The following ANHX variants were observed in gnomAD, a reference collection of about 807,000 sequenced individuals.
ANHX encodes anomalous homeobox protein.
Under a neutral mutation model 38.9 loss-of-function variants are expected in ANHX, and 20 were observed. The observed-to-expected ratio is 0.51, with a 90% CI of 0.36 to 0.75. The LOEUF (loss-of-function observed/expected upper bound fraction) is 0.75. Among genes scored for constraint, ANHX ranks in the 30% least tolerant of loss-of-function variants. ANHX has a pLI of 0.00. For synonymous variants in ANHX, 185 were observed against 203.1 expected (o/e 0.91, Z 0.76); for missense variants, 475 against 493.1 (o/e 0.96, Z 0.35).
chr12:133,234,550 A>T, intron 1 of ANHX, 172 bp from the exon 2 acceptor site: 1 of 701,808 alleles, frequency 1.4e-6, no homozygotes, highest in East Asian at 2.8e-5. Flanking sequence ...CATAGCATAC[A>T]CCCTCTAGAA....
At chr12:133,227,698 A>T (rs1957208028) in intron 4 of ANHX, 126 bp downstream of exon 4, 1 of 1,074,902 alleles carries the variant, frequency 9.3e-7, no homozygotes, top group South Asian at 1.6e-5. Flanking sequence ...TGTCCAGAGG[A>T]GGGGCTGAAA....
In ANHX at chr12:133,226,351, G is replaced by A. The variant is rs1388959623; in HGVS notation, c.806C>T (p.Ala269Val). The change falls in exon 6 of 10, where the codon GCA (alanine) becomes GTA (valine). Residue 269 changes from alanine to valine, a missense_variant. Coordinates refer to ENST00000545940, the MANE Select transcript of ANHX (RefSeq NM_001372060.1). ...EPLALAPDFPADETVSKPLDV... is the reference protein window; with the variant it reads ...EPLALAPDFPVDETVSKPLDV... ...CAGTGGCTTTGAGACTGTCTCATCT[G>A]CGGGAAAGTCCGGGGCTAAGGCCAG... 6.5e-7 allele frequency: 1 copy of A among 1,536,136 alleles called. No homozygotes were observed. Among genetic ancestry groups the A allele is most frequent in the East Asian group, 2.4e-5 (1 of 40,922 alleles).
chr12:133,224,723 T>C (rs1256026041), intron 7 of ANHX, among the ~76,000 whole-genome samples: 1 of 148,612 alleles, frequency 6.7e-6, no homozygotes, highest in Non-Finnish European at 1.5e-5. Flanking sequence ...CCCAGCACTT[T>C]GGGAGGCCGA....
At chr12:133,230,171 G>A (rs1215200632) in intron 3 of ANHX, among the ~76,000 whole-genome samples, 3 of 152,214 alleles carry the variant, frequency 2.0e-5, no homozygotes, top group Non-Finnish European at 4.4e-5. Flanking sequence ...GTTCCATGGA[G>A]GCAGAGCCTG....
At chr12:133,227,696 G>A in intron 4 of ANHX, 128 bp downstream of exon 4, 2 of 1,069,048 alleles carry the variant, frequency 1.9e-6, no homozygotes, top group Non-Finnish European at 2.6e-6. Flanking sequence ...CCTGTCCAGA[G>A]GAGGGGCTGA....
rs751134031 is a variant in ANHX, at chr12:133,221,389, G to A, written c.1133-37C>T. On this transcript the variant is annotated intron_variant, in intron 7 of 9. Transcript: ENST00000545940. The surrounding 1 kb of genome is among the most constrained non-coding windows in gnomAD (Gnocchi z 4.1). The stretch of plus-strand genomic sequence containing the variant: ...GAGATTCCACGGCACACTGGCAGGA[G>A]AAAGGAGCAGAGCCCACGTGTGACA... The A allele has an allele frequency of 1.1e-4, 161 of 1,518,434 alleles. No homozygotes were observed. Among genetic ancestry groups the A allele is most frequent in the Non-Finnish European group, 2.1e-5 (24 of 1,137,640 alleles). 94.1% of individuals were successfully genotyped at this position (1,518,434 alleles called of 1,614,324 possible). A position where few individuals can be genotyped will look rare whatever the true frequency, so the allele number is the denominator to read the frequency against.
intron 7 of ANHX, among the ~76,000 whole-genome samples, chr12:133,223,756 A>C (rs1957146519): frequency 6.6e-6 from 1 of 152,058 alleles, no homozygotes; most frequent in Admixed American, 6.6e-5. Context: ...AGGAGACCTT[A>C]TTCTTTAAGA....
rs972706439 is a variant in ANHX, at chr12:133,221,895, G to A, written c.1133-543C>T. Among the ~76,000 whole-genome samples, 3 of 152,206 alleles carry A rather than the reference G, an allele frequency of 2.0e-5. No individual in the cohort carries two copies. The highest frequency in any genetic ancestry group is 6.5e-5 in the Admixed American group (1 of 15,284). On this transcript the variant is annotated intron_variant, in intron 7 of 9. Transcript: ENST00000545940. The surrounding 1 kb of genome is among the most constrained non-coding windows in gnomAD (Gnocchi z 4.1). Reference sequence around the variant, plus strand: ...GCTACTGTGGTTTTGGTCAATTCTGGGTGGACATTTAGGAGAGCTGTGGCC... The same window carrying A: ...GCTACTGTGGTTTTGGTCAATTCTGAGTGGACATTTAGGAGAGCTGTGGCC...
chr12:133,227,245 A>G (rs1957202512), intron 4 of ANHX, 93 bp from the exon 5 acceptor site: 2 of 1,357,288 alleles, frequency 1.5e-6, no homozygotes, highest in Admixed American at 2.4e-5. Context: ...TTACACCAAG[A>G]AAGGGGGTGA....
chr12:133,233,357 G>GT (rs1593976447), intron 2 of ANHX, among the ~76,000 whole-genome samples: 1 of 152,236 alleles, frequency 6.6e-6, no homozygotes, highest in Non-Finnish European at 1.5e-5. Context: ...AAGGAACCGA[G>GT]TATCTTGAAG....
At chr12:133,226,562 T>C (rs994232775) in intron 5 of ANHX, 124 bp from the exon 6 acceptor site, 2 of 1,358,704 alleles carry the variant, frequency 1.5e-6, no homozygotes, top group Non-Finnish European at 1.9e-6. Context: ...CCAATGTTTT[T>C]GCTTCTTGTC....
In ANHX at chr12:133,218,541, C is replaced by T. The variant is rs545736556; in HGVS notation, c.*344G>A. 4.9e-4 allele frequency: 91 copies of T among 184,518 alleles called. 1 individual carries two copies. The highest frequency in any genetic ancestry group is 1.8e-3 in the African/African-American group (78 of 42,718). 11.4% of individuals were successfully genotyped at this position (184,518 alleles called of 1,614,324 possible). ...AAGTCTGGCTGTGTGCACGGGCAGA[C>T]GGCAAGGCAGCCAGCAGCAGAACAC... On this transcript the variant is annotated 3_prime_UTR_variant, in exon 10 of 10. Coordinates refer to ENST00000545940, the MANE Select transcript of ANHX (RefSeq NM_001372060.1).
rs144691393 is a variant in ANHX at position 133,231,223 on chromosome 12, G to A, written c.377+294C>T. ...GATGCTGGGCAGAGATGATGAGGAT[G>A]CCCACCTCCTGGCCTTAGCCTCAGT... is the stretch of plus-strand genomic sequence containing the variant. On this transcript the variant is annotated intron_variant, in intron 3 of 9. Transcript: ENST00000545940. Among the ~76,000 whole-genome samples the A allele has an allele frequency of 3.2e-3, 482 of 152,292 alleles. 3 individuals are homozygous for A. Among genetic ancestry groups the A allele is most frequent in the African/African-American group, 0.011 (457 of 41,548 alleles).
At chr12:133,219,140 C>T (rs1463467835) in intron 9 of ANHX, 143 bp downstream of exon 9, 8 of 1,005,796 alleles carry the variant, frequency 8.0e-6, no homozygotes, top group Non-Finnish European at 1.2e-5. Context: ...CCAGTAATGT[C>T]CAGCCACAAA....
At chr12:133,219,432 C>T in intron 8 of ANHX, 65 bp from the exon 9 acceptor site, 2 of 1,139,300 alleles carry the variant, frequency 1.8e-6, no homozygotes, top group Non-Finnish European at 2.4e-6. Context: ...CAAAATCCAC[C>T]CAGCTGTGCT....
rs140046625 is a variant in ANHX, at chr12:133,221,076, A to C, written c.1280+129T>G. 5,259 of 1,229,396 alleles carry C rather than the reference A, an allele frequency of 4.3e-3. 177 individuals are homozygous for C. The African/African-American group carries it at 0.073, about 17-fold the overall frequency. The allele number at this position is 1,229,396 out of a possible 1,614,324, so 76.2% of individuals were successfully genotyped here. ...GGTGTAGGCTTGTGGGGACTGTTAC[A>C]GTTTTCAGCAATCCAAAGGAGAGGA... On this transcript the variant is annotated intron_variant, in intron 8 of 9. Coordinates refer to ENST00000545940, the MANE Select transcript of ANHX (RefSeq NM_001372060.1). The surrounding 1 kb of genome is among the most constrained non-coding windows in gnomAD (Gnocchi z 4.1).
intron 8 of ANHX, among the ~76,000 whole-genome samples, chr12:133,220,839 C>T (rs959832985): frequency 2.0e-5 from 3 of 152,204 alleles, no homozygotes; most frequent in Admixed American, 2.0e-4. Flanking sequence ...TTCAAGACCC[C>T]AAGTCCCTTG....
At chr12:133,225,314 TAC>T (rs36198127) in intron 7 of ANHX, among the ~76,000 whole-genome samples, 2,384 of 140,808 alleles carry the variant, frequency 0.017, 21 homozygotes, top group South Asian at 0.063. Flanking sequence ...TATGCATACA[TAC>T]ACACACACAC....
chr12:133,227,190 T>C, intron 4 of ANHX, 38 bp from the exon 5 acceptor site: 1 of 1,511,820 alleles, frequency 6.6e-7, no homozygotes, highest in South Asian at 1.2e-5. Flanking sequence ...CCTGCTTCCA[T>C]TCCCTGAGGA....
Sources: gnomAD v4.1 joint callset for allele counts (sites outside exome capture counted in the v4.1 genomes callset) on GRCh38, gnomAD v4.1.1 for gene constraint, Gnocchi (gnomAD v3.1) non-coding constraint, MANE v1.5 for transcripts, NCBI Gene and HGNC (gene_info 2026-07-23, HGNC 2026-07-21) for gene names.